PHACTR1: variants seen among roughly 807,000 people sequenced by gnomAD.
PHACTR1 encodes RPEL repeat containing 1.
Under a neutral mutation model 69.2 loss-of-function variants are expected in PHACTR1, and 16 were observed. The observed-to-expected ratio is 0.23, with a 90% CI of 0.16 to 0.35. The LOEUF (loss-of-function observed/expected upper bound fraction) is 0.35. Among genes scored for constraint, PHACTR1 ranks in the 10% least tolerant of loss-of-function variants. PHACTR1 has a pLI of 1.00. For missense variants in PHACTR1, 510 were observed against 734.7 expected (o/e 0.69, Z 3.54); for synonymous variants, 312 against 284.5 (o/e 1.10, Z -0.97).
chr6:13,171,505 T>G (rs1760615026), intron 6 of PHACTR1, among the ~76,000 whole-genome samples: 1 of 152,206 alleles, frequency 6.6e-6, no homozygotes, highest in Admixed American at 6.5e-5. Flanking sequence ...AGCGGTGCTG[T>G]CCAGTAGAAC....
chr6:13,274,147 T>G (rs1456286161), intron 11 of PHACTR1: 1 of 152,158 alleles, frequency 6.6e-6, no homozygotes, highest in Non-Finnish European at 1.5e-5. Context: ...CATGTCCGTT[T>G]ATGTCAACTC....
At chr6:13,136,612 C>T (rs1175041738) in intron 5 of PHACTR1, among the ~76,000 whole-genome samples, 3 of 152,244 alleles carry the variant, frequency 2.0e-5, no homozygotes, top group Non-Finnish European at 2.9e-5. Context: ...GCCTGTCTCA[C>T]CTTTCGACAT....
intron 4 of PHACTR1, among the ~76,000 whole-genome samples, chr6:12,783,518 A>G (rs748311176): frequency 1.3e-5 from 2 of 152,152 alleles, no homozygotes; most frequent in Non-Finnish European, 2.9e-5. Flanking sequence ...CACAAGGAAC[A>G]TGAATGGGCT....
At chr6:12,904,156 C>G (rs1785478919) in intron 4 of PHACTR1, among the ~76,000 whole-genome samples, 1 of 152,134 alleles carries the variant, frequency 6.6e-6, no homozygotes, top group African/African-American at 2.4e-5. Context: ...ATAACCAAAA[C>G]ATACATATGA....
intron 4 of PHACTR1, among the ~76,000 whole-genome samples, chr6:12,765,333 T>C (rs1300494412): frequency 6.6e-6 from 1 of 152,188 alleles, no homozygotes; most frequent in Non-Finnish European, 1.5e-5. Context: ...AATATCAACA[T>C]CCATGAGAGA....
Position 12,907,293 on chromosome 6 carries a change from A to G in PHACTR1, c.251-146072A>G, listed in dbSNP as rs1318743798. Among the ~76,000 whole-genome samples, 6 of 152,352 alleles carry G rather than the reference A, an allele frequency of 3.9e-5. No homozygotes were observed. The South Asian group carries it at 8.3e-4, about 21-fold the overall frequency. ...GTTTAAAGTAGAAATAAGTTAACCA[A>G]ACCTAATCAGCTTGAGGTTTTTATT... On this transcript the variant is annotated intron_variant, in intron 4 of 14. Transcript: ENST00000332995.
At chr6:12,902,109 G>A (rs1399195423) in intron 4 of PHACTR1, among the ~76,000 whole-genome samples, 1 of 152,116 alleles carries the variant, frequency 6.6e-6, no homozygotes, top group Non-Finnish European at 1.5e-5. Flanking sequence ...AGCCCTCAAG[G>A]TCAGCAGAAC....
chr6:13,221,250 G>A (rs897453353), intron 8 of PHACTR1, among the ~76,000 whole-genome samples: 9 of 152,142 alleles, frequency 5.9e-5, no homozygotes, highest in African/African-American at 1.2e-4. Context: ...TAGGAAGATG[G>A]TAAGGAATAA....
At chr6:12,973,322 TCTC>T (rs1234630772) in intron 4 of PHACTR1, among the ~76,000 whole-genome samples, 1 of 152,040 alleles carries the variant, frequency 6.6e-6, no homozygotes, top group Non-Finnish European at 1.5e-5. Context: ...CAATTTTAAA[TCTC>T]CTCCACTCGA....
At chr6:12,745,422 T>G (rs1009756309) in intron 3 of PHACTR1, among the ~76,000 whole-genome samples, 1 of 151,786 alleles carries the variant, frequency 6.6e-6, no homozygotes, top group Non-Finnish European at 1.5e-5. Flanking sequence ...GGCAGTGGGG[T>G]GGGGAGGGTG....
intron 5 of PHACTR1, among the ~76,000 whole-genome samples, chr6:13,111,745 T>A (rs1817070675): frequency 6.6e-6 from 1 of 152,220 alleles, no homozygotes; most frequent in Non-Finnish European, 1.5e-5. Context: ...GCAGAGCTAA[T>A]AATCAACTCA....
chr6:13,180,048 T>C (rs1037043708), intron 6 of PHACTR1, among the ~76,000 whole-genome samples: 6 of 152,212 alleles, frequency 3.9e-5, no homozygotes, highest in African/African-American at 1.4e-4. Flanking sequence ...AAATGGGAGC[T>C]AGCCAAGTAA....
chr6:13,273,178 G>A (rs1778135936), intron 11 of PHACTR1: 3 of 450,636 alleles, frequency 6.7e-6, no homozygotes, highest in Non-Finnish European at 1.2e-5. Flanking sequence ...TCAGAGAGAA[G>A]CTGAAAAATT....
At chr6:13,244,595 T>C (rs1773331836) in intron 10 of PHACTR1, among the ~76,000 whole-genome samples, 1 of 152,252 alleles carries the variant, frequency 6.6e-6, no homozygotes, top group Non-Finnish European at 1.5e-5. Context: ...TATCCCCTGC[T>C]GAGAAAAAGA....
At chr6:13,169,200 T>C (rs905373758) in intron 6 of PHACTR1, among the ~76,000 whole-genome samples, 1 of 152,090 alleles carries the variant, frequency 6.6e-6, no homozygotes, top group Non-Finnish European at 1.5e-5. Flanking sequence ...ACTCAGGATT[T>C]GGGCGTGGGC....
At chr6:12,781,964 T>C (rs1037553370) in intron 4 of PHACTR1, among the ~76,000 whole-genome samples, 7 of 152,176 alleles carry the variant, frequency 4.6e-5, no homozygotes, top group African/African-American at 1.7e-4. Context: ...TCTGGCCAAG[T>C]CACCCATCTG....
chr6:13,078,554 A>C (rs186626860), intron 5 of PHACTR1, among the ~76,000 whole-genome samples: 4 of 152,336 alleles, frequency 2.6e-5, no homozygotes, highest in African/African-American at 9.6e-5. Context: ...AAAGATAGCC[A>C]GGTTTCTAGT....
intron 2 of PHACTR1, among the ~76,000 whole-genome samples, chr6:12,718,070 C>T (rs1761617569): frequency 6.6e-6 from 1 of 152,186 alleles, no homozygotes; most frequent in Non-Finnish European, 1.5e-5. Flanking sequence ...ATGCTGCAAT[C>T]ATTCTTGCTG....
chr6:12,848,947 A>G (rs1242341291), intron 4 of PHACTR1, among the ~76,000 whole-genome samples: 1 of 151,904 alleles, frequency 6.6e-6, no homozygotes, highest in Non-Finnish European at 1.5e-5. Flanking sequence ...CTCAAAGCAC[A>G]TTTAATCTTA....
Sources: gnomAD v4.1 joint callset for allele counts (sites outside exome capture counted in the v4.1 genomes callset) on GRCh38, gnomAD v4.1.1 for gene constraint, MANE v1.5 for transcripts, NCBI Gene and HGNC (gene_info 2026-07-23, HGNC 2026-07-21) for gene names.